The following LAMB1 variants were observed in gnomAD, a reference collection of about 807,000 sequenced individuals.
The protein encoded by LAMB1 is laminin subunit beta-1.
Under a neutral mutation model 222.3 loss-of-function variants are expected in LAMB1, and 121 were observed. The ratio of observed to expected loss-of-function variants is 0.54; its 90% CI spans 0.47 to 0.63. LAMB1 has a LOEUF of 0.63. LAMB1 is among the 30% of genes least tolerant of loss of function. The probability of loss-of-function intolerance (pLI) is 0.00; values close to 1 mark genes in which losing one functional copy is unlikely to be tolerated. For missense variants in LAMB1, 2,172 were observed against 2,240.8 expected (o/e 0.97, Z 0.62); for synonymous variants, 794 against 807.2 (o/e 0.98, Z 0.28).
intron 24 of LAMB1, among the ~76,000 whole-genome samples, chr7:107,950,749 C>A (rs1407761545): frequency 6.6e-6 from 1 of 152,158 alleles, no homozygotes; most frequent in Non-Finnish European, 1.5e-5. Context: ...TCTAGTTGAT[C>A]CACTGAATCC....
At chr7:107,990,664 G>A (rs1015474937) in intron 5 of LAMB1, among the ~76,000 whole-genome samples, 1 of 152,134 alleles carries the variant, frequency 6.6e-6, no homozygotes, top group Non-Finnish European at 1.5e-5. Context: ...CCACTGTTCT[G>A]CTTCTAATCT....
chr7:107,962,895 G>A lies in LAMB1; in HGVS notation c.1857+10C>T, dbSNP rs955775453. The A allele has an allele frequency of 2.5e-6, 4 of 1,608,672 alleles. No homozygotes were observed. In the African/African-American group the frequency reaches 4.0e-5, roughly 16 times the overall value. ...CCCTCCTCCACCAGTCCACTAAGTG[G>A]TTTCTTTACCTGTGGCTCGTAGCGA... On this transcript the variant is annotated intron_variant, in intron 15 of 33. Coordinates refer to ENST00000222399, the MANE Select transcript of LAMB1 (RefSeq NM_002291.3).
At chr7:107,977,979 T>A in intron 9 of LAMB1, 68 bp downstream of exon 9, 3 of 1,574,868 alleles carry the variant, frequency 1.9e-6, no homozygotes, top group Non-Finnish European at 2.6e-6. Context: ...ACTGTTACAG[T>A]ACCTCTAATT....
chr7:107,938,414 C>T (rs1039019853), intron 25 of LAMB1, among the ~76,000 whole-genome samples: 29 of 132,134 alleles, frequency 2.2e-4, no homozygotes, highest in African/African-American at 6.6e-4. Flanking sequence ...TAAAATGATA[C>T]AATTTTTTTT....
chr7:107,938,425 A>T (rs1285421292), intron 25 of LAMB1, among the ~76,000 whole-genome samples: 1 of 152,096 alleles, frequency 6.6e-6, no homozygotes, highest in East Asian at 1.9e-4. Context: ...AATTTTTTTT[A>T]AAACAAGCAA....
At chr7:107,951,512 T>C (rs1235567005) in intron 23 of LAMB1, among the ~76,000 whole-genome samples, 190 bp from the exon 24 acceptor site, 2 of 152,236 alleles carry the variant, frequency 1.3e-5, no homozygotes, top group Non-Finnish European at 1.5e-5. Context: ...AAGTGCTCTT[T>C]TGCAACAGGG....
At chr7:107,955,683 T>C in intron 20 of LAMB1, 53 bp from the exon 21 acceptor site, 1 of 1,512,570 alleles carries the variant, frequency 6.6e-7, no homozygotes, top group Non-Finnish European at 8.9e-7. Flanking sequence ...CTAAGAAACC[T>C]GTTCCAAGGA....
At chr7:107,967,368 CCT>C (rs1336114671) in intron 13 of LAMB1, among the ~76,000 whole-genome samples, 1 of 152,180 alleles carries the variant, frequency 6.6e-6, no homozygotes, top group Non-Finnish European at 1.5e-5. Context: ...CCTAAACTGA[CCT>C]CTCAAATTCT....
intron 7 of LAMB1, among the ~76,000 whole-genome samples, chr7:107,982,597 T>A (rs376067750): frequency 6.6e-6 from 1 of 152,138 alleles, no homozygotes; most frequent in Non-Finnish European, 1.5e-5. Context: ...CAAGCGCCTA[T>A]TGACAAGAGG....
chr7:107,928,663 T>A (rs759874393), intron 31 of LAMB1, among the ~76,000 whole-genome samples: 4 of 152,178 alleles, frequency 2.6e-5, no homozygotes, highest in East Asian at 1.9e-4. Flanking sequence ...CAGCTAACTT[T>A]TGTATCTTTA....
chr7:107,926,617 TA>T (rs1399752415), intron 31 of LAMB1, among the ~76,000 whole-genome samples: 4 of 150,698 alleles, frequency 2.7e-5, no homozygotes, highest in South Asian at 2.1e-4. Context: ...TTTCTGACAG[TA>T]AAAAAAAACA....
chr7:107,989,799 G>A (rs77406493), intron 5 of LAMB1, among the ~76,000 whole-genome samples: 8,447 of 152,174 alleles, frequency 0.056, 317 homozygotes, highest in African/African-American at 0.1. Context: ...TTCTGGCTGT[G>A]CTTCCTTCTC....
At chr7:107,958,105 GTCTTTCTCTGTTTTCTCATA>G (rs1210570987) in intron 20 of LAMB1, among the ~76,000 whole-genome samples, 1 of 152,070 alleles carries the variant, frequency 6.6e-6, no homozygotes, top group Non-Finnish European at 1.5e-5. Context: ...TTTTTCTCAT[GTCTTTCTCTGTTTTCTCATA>G]TCTTTCTCTC....
chr7:107,965,643 T>C (rs1475112173), intron 13 of LAMB1, among the ~76,000 whole-genome samples: 1 of 152,206 alleles, frequency 6.6e-6, no homozygotes, highest in East Asian at 1.9e-4. Flanking sequence ...AAATTACATG[T>C]ATCCATTTTT....
chr7:107,973,316 T>G (rs1021865599), intron 12 of LAMB1, among the ~76,000 whole-genome samples: 1 of 152,184 alleles, frequency 6.6e-6, no homozygotes. Context: ...CTCTGCCCTA[T>G]AGATAACCTC....
intron 1 of LAMB1, 39 bp from the exon 2 acceptor site, chr7:108,003,010 C>T: frequency 6.6e-7 from 1 of 1,525,782 alleles, no homozygotes; most frequent in Non-Finnish European, 8.7e-7. Flanking sequence ...GGCAAATGTT[C>T]AAAGAGAGAA....
rs750648815 is a variant in LAMB1, at chr7:107,986,064, G to C, written c.634C>G (p.Pro212Ala). 4 of 1,612,264 alleles carry C rather than the reference G, an allele frequency of 2.5e-6. No individual in the cohort carries two copies. The South Asian group carries it at 4.4e-5, about 18-fold the overall frequency. ...TAAGGATCTTCTATTTTGAAAGCAG[G>C]ATCTAAAGCACGAAATATCACCTAA... ...EGEVIFRALDPAFKIEDPYSP... is the reference protein window; with the variant it reads ...EGEVIFRALDAAFKIEDPYSP... The change falls in exon 7 of 34, where the codon CCT becomes GCT. Residue 212 changes from proline (P) to alanine (A), a missense_variant. By Grantham distance (27) the Pro-to-Ala change is conservative. Transcript: ENST00000222399.
intron 7 of LAMB1, among the ~76,000 whole-genome samples, chr7:107,981,841 C>T (rs1467050574): frequency 1.3e-5 from 2 of 152,274 alleles, no homozygotes; most frequent in Middle Eastern, 3.4e-3. Flanking sequence ...AAATTTCCCA[C>T]CGCTTAAATG....
intron 19 of LAMB1, 85 bp downstream of exon 19, chr7:107,959,606 A>C: frequency 1.2e-6 from 2 of 1,612,862 alleles, no homozygotes; most frequent in Non-Finnish European, 1.7e-6. Flanking sequence ...TCAGGAGGGA[A>C]GCATCGGCTC....
Sources: gnomAD v4.1 joint callset for allele counts (sites outside exome capture counted in the v4.1 genomes callset) on GRCh38, gnomAD v4.1.1 for gene constraint, MANE v1.5 for transcripts, NCBI Gene and HGNC (gene_info 2026-07-23, HGNC 2026-07-21) for gene names.